Variants in EXT1 observed in about 807,000 individuals in gnomAD.
EXT1 encodes exostosin-1.
Under a neutral mutation model 82.5 loss-of-function variants are expected in EXT1, and 20 were observed. The ratio of observed to expected loss-of-function variants is 0.24; its 90% CI spans 0.17 to 0.35. The LOEUF (loss-of-function observed/expected upper bound fraction) is 0.35. Among genes scored for constraint, EXT1 ranks in the 10% least tolerant of loss-of-function variants. EXT1 has a pLI of 1.00. For synonymous variants in EXT1, 348 were observed against 350.8 expected, an observed-to-expected ratio of 0.99 and a Z score of 0.09; for missense variants, 757 against 936.5, an observed-to-expected ratio of 0.81 and a Z score of 2.50.
intron 1 of EXT1, among the ~76,000 whole-genome samples, chr8:118,107,354 C>A (rs1371532367): frequency 6.6e-6 from 1 of 152,036 alleles, no homozygotes; most frequent in African/African-American, 2.4e-5. Context: ...AAGCTATTAC[C>A]AAATGAGTGC....
chr8:117,882,931 C>T lies in EXT1; in HGVS notation c.963-45730G>A, dbSNP rs566767132. 1.4e-4 allele frequency among the ~76,000 whole-genome samples: 21 copies of T among 146,646 alleles called. No individual in the cohort carries two copies. In the East Asian group the frequency reaches 3.6e-3, roughly 25 times the overall value. On this transcript the variant is annotated intron_variant, in intron 1 of 10. Transcript: ENST00000378204. ...GACAGAGATTGCAGCGAGCCAAGAT[C>T]ATGCCACTGCACTCCGGCCTGGGCG...
chr8:117,840,119 A>G (rs553221919), intron 1 of EXT1, among the ~76,000 whole-genome samples: 2 of 152,310 alleles, frequency 1.3e-5, no homozygotes, highest in Admixed American at 1.3e-4. Context: ...ATAATGACAA[A>G]TAGAGAAACA....
In EXT1 at chr8:117,818,476, C is replaced by T. The variant is rs1336890378; in HGVS notation, c.1591G>A (p.Ala531Thr). The T allele has an allele frequency of 6.2e-7, 1 of 1,614,070 alleles. No homozygotes were observed. Among genetic ancestry groups the T allele is most frequent in the East Asian group, 2.2e-5 (1 of 44,878 alleles). The change falls in exon 7 of 11, where the codon GCC becomes ACC. Residue 531 changes from alanine to threonine, a missense_variant. This residue lies in a region of EXT1 where 207 missense variants were observed against 224.2 expected (regional missense o/e 0.92). Transcript: ENST00000378204. Reference sequence around the variant, plus strand: ...ATGACGACGACAGGCACAGCAGTGGCAGGCCAGCGGTGTTTGGCTGGTAGG... The same window carrying T: ...ATGACGACGACAGGCACAGCAGTGGTAGGCCAGCGGTGTTTGGCTGGTAGG... ...KPLPAKHRWP[A>T]TAVPVVVIEG...
At position 117,799,538 on chromosome 8, in the gene EXT1, C is replaced by T; in HGVS notation, c.*174G>A. 1.5e-6 allele frequency: 1 copy of T among 688,288 alleles called. No individual in the cohort carries two copies. The highest frequency in any genetic ancestry group is 2.5e-6 in the Non-Finnish European group (1 of 405,144). The allele number at this position is 688,288 out of a possible 1,614,324, so 42.6% of individuals were successfully genotyped here. The stretch of plus-strand genomic sequence containing the variant: ...AGTTTGGAGCAGTCTGGTGCAGTCC[C>T]AGGAGCCAGGAGTTGAGTTCTCATT... On this transcript the variant is annotated 3_prime_UTR_variant, in exon 11 of 11. Transcript: ENST00000378204.
chr8:117,859,571 C>A (rs1037894320), intron 1 of EXT1, among the ~76,000 whole-genome samples: 5 of 152,080 alleles, frequency 3.3e-5, no homozygotes, highest in African/African-American at 9.7e-5. Flanking sequence ...GGTGTATACA[C>A]ATATATTGCT....
chr8:118,081,515 T>A (rs1477001580), intron 1 of EXT1, among the ~76,000 whole-genome samples: 22 of 152,176 alleles, frequency 1.4e-4, no homozygotes, highest in Non-Finnish European at 2.9e-5. Flanking sequence ...GAACAGGTAT[T>A]TGGGGGTCTT....
intron 1 of EXT1, among the ~76,000 whole-genome samples, chr8:118,036,839 T>C (rs1294960304): frequency 6.6e-6 from 1 of 152,152 alleles, no homozygotes; most frequent in Non-Finnish European, 1.5e-5. Context: ...CTCTATGACC[T>C]TGCAAACTCT....
intron 1 of EXT1, among the ~76,000 whole-genome samples, chr8:117,918,649 G>T (rs1015645260): frequency 6.6e-6 from 1 of 152,154 alleles, no homozygotes; most frequent in African/African-American, 2.4e-5. Context: ...GGACCCAGCT[G>T]CCACACTGTA....
rs1782100732 is a variant in EXT1 at position 118,110,929 on chromosome 8, GTTC to G, written c.115_117del (p.Glu39del). On this transcript the variant is annotated inframe_deletion, in exon 1 of 11. Transcript: ENST00000378204. Reference sequence around the variant, plus strand: ...TGGTGCAAGCCATTCCTACCGCTGTGTTCTTCTCTCCGGCTGTGGCTCCTCGAT... The same window carrying G: ...TGGTGCAAGCCATTCCTACCGCTGTGTTCTCTCCGGCTGTGGCTCCTCGAT... The G allele has an allele frequency of 2.5e-6, 4 of 1,613,804 alleles. No homozygotes were observed. The highest frequency in any genetic ancestry group is 1.3e-5 in the African/African-American group (1 of 74,898).
chr8:117,873,911 A>T (rs1272073578), intron 1 of EXT1, among the ~76,000 whole-genome samples: 1 of 152,260 alleles, frequency 6.6e-6, no homozygotes, highest in African/African-American at 2.4e-5. Context: ...CCAACAAAAC[A>T]TAACATACTA....
intron 1 of EXT1, among the ~76,000 whole-genome samples, chr8:117,912,558 T>C (rs1162599243): frequency 6.6e-6 from 1 of 152,172 alleles, no homozygotes; most frequent in Non-Finnish European, 1.5e-5. Context: ...GATGCAGGCT[T>C]CCTAACTTGG....
chr8:118,111,267 A>C lies in EXT1; in HGVS notation c.-221T>G. The stretch of plus-strand genomic sequence containing the variant: ...CTTCGGTCTTTCATCTTTGGGTTGC[A>C]CAATGCACGGGAGAGAGCGGGGCTG... On this transcript the variant is annotated 5_prime_UTR_variant, in exon 1 of 11. Coordinates refer to ENST00000378204, the MANE Select transcript of EXT1 (RefSeq NM_000127.3). 1 of 694,106 alleles carries C rather than the reference A, an allele frequency of 1.4e-6. No individual in the cohort carries two copies. The highest frequency in any genetic ancestry group is 2.5e-6 in the Non-Finnish European group (1 of 405,358). The allele number at this position is 694,106 out of a possible 1,614,324, so 43.0% of individuals were successfully genotyped here.
chr8:117,817,492 A>G (rs1347394392), intron 7 of EXT1, among the ~76,000 whole-genome samples: 1 of 152,048 alleles, frequency 6.6e-6, no homozygotes, highest in African/African-American at 2.4e-5. Flanking sequence ...TTCCTTCACA[A>G]TGCGTAAGAT....
At chr8:118,062,110 T>G (rs1158272044) in intron 1 of EXT1, among the ~76,000 whole-genome samples, 1 of 152,048 alleles carries the variant, frequency 6.6e-6, no homozygotes, top group East Asian at 1.9e-4. Context: ...TTCTAAAAAT[T>G]AACTGAAGAA....
intron 1 of EXT1, among the ~76,000 whole-genome samples, chr8:118,107,074 C>T (rs1194595502): frequency 6.6e-6 from 1 of 152,200 alleles, no homozygotes; most frequent in African/African-American, 2.4e-5. Flanking sequence ...AGTCATTGCT[C>T]TTTTAGCACT....
At chr8:118,002,172 A>C (rs935251203) in intron 1 of EXT1, among the ~76,000 whole-genome samples, 1 of 152,126 alleles carries the variant, frequency 6.6e-6, no homozygotes, top group African/African-American at 2.4e-5. Context: ...AATTATTTTC[A>C]AAATAATTCT....
At chr8:118,103,554 T>C (rs753329532) in intron 1 of EXT1, among the ~76,000 whole-genome samples, 1 of 152,132 alleles carries the variant, frequency 6.6e-6, no homozygotes. Flanking sequence ...AATATTCCCA[T>C]AGGCCTTTCA....
At chr8:117,941,873 C>T (rs1337566694) in intron 1 of EXT1, among the ~76,000 whole-genome samples, 1 of 152,184 alleles carries the variant, frequency 6.6e-6, no homozygotes, top group Non-Finnish European at 1.5e-5. Context: ...GCAGCCTCAC[C>T]CCTCTTGCTG....
intron 1 of EXT1, among the ~76,000 whole-genome samples, chr8:117,953,306 A>G (rs1453978953): frequency 6.6e-6 from 1 of 152,108 alleles, no homozygotes; most frequent in Middle Eastern, 3.2e-3. Flanking sequence ...ACTGCCATTC[A>G]CTGAATAAAA....
Sources: gnomAD v4.1 joint callset for allele counts (sites outside exome capture counted in the v4.1 genomes callset) on GRCh38, gnomAD v4.1.1 for gene constraint, gnomAD v4.1.1 regional missense constraint, MANE v1.5 for transcripts, NCBI Gene and HGNC (gene_info 2026-07-23, HGNC 2026-07-21) for gene names.